The following PCDH9 variants were observed in gnomAD, a reference collection of about 807,000 sequenced individuals.
The protein encoded by PCDH9 is protocadherin 9.
In PCDH9, 24 loss-of-function variants were observed where a neutral mutation model predicts 70.6. The ratio of observed to expected loss-of-function variants is 0.34; its 90% CI spans 0.25 to 0.48. The LOEUF (loss-of-function observed/expected upper bound fraction) is 0.48, where lower values mean the gene tolerates loss of function less well. Ranked by LOEUF, PCDH9 falls within the 20% of genes least tolerant of loss-of-function variation. The pLI is 0.99. For missense variants in PCDH9, 1,281 were observed against 1,503.6 expected (o/e 0.85, Z 2.45); for synonymous variants, 562 against 558.5 (o/e 1.01, Z -0.09).
intron 4 of PCDH9, among the ~76,000 whole-genome samples, chr13:66,427,749 A>G (rs1467880206): frequency 1.3e-5 from 2 of 151,688 alleles, no homozygotes; most frequent in Admixed American, 1.3e-4. Flanking sequence ...CAAGTATTGC[A>G]TCAATTTGAG....
At chr13:66,792,114 G>A (rs2080173015) in intron 3 of PCDH9, among the ~76,000 whole-genome samples, 1 of 152,158 alleles carries the variant, frequency 6.6e-6, no homozygotes, top group South Asian at 2.1e-4. Context: ...ATATAAGTCA[G>A]TAATTATATG....
chr13:66,997,087 C>T (rs565540100), intron 2 of PCDH9, among the ~76,000 whole-genome samples: 6 of 152,076 alleles, frequency 3.9e-5, no homozygotes, highest in Non-Finnish European at 8.8e-5. Flanking sequence ...GAAAACTGGG[C>T]TATATCCAAA....
At chr13:66,702,040 T>G (rs897056949) in intron 3 of PCDH9, among the ~76,000 whole-genome samples, 3 of 152,092 alleles carry the variant, frequency 2.0e-5, no homozygotes, top group African/African-American at 7.2e-5. Context: ...CTGCCCAGAG[T>G]GTATTTTCAA....
chr13:66,965,861 T>C (rs2083426133), intron 2 of PCDH9, among the ~76,000 whole-genome samples: 2 of 151,966 alleles, frequency 1.3e-5, no homozygotes, highest in African/African-American at 4.8e-5. Context: ...TGTAAATTCT[T>C]ATCTAAAAAT....
intron 2 of PCDH9, among the ~76,000 whole-genome samples, chr13:67,170,090 G>A (rs893616460): frequency 7.9e-5 from 12 of 152,056 alleles, no homozygotes; most frequent in African/African-American, 2.9e-4. Flanking sequence ...TCCATTCTTT[G>A]AGAAGAAAAA....
chr13:66,739,365 C>T (rs965112087), intron 3 of PCDH9, among the ~76,000 whole-genome samples: 5 of 147,602 alleles, frequency 3.4e-5, no homozygotes, highest in African/African-American at 5.0e-5. Flanking sequence ...AAGGAACAAC[C>T]GGTACCAGCC....
chr13:66,982,410 C>A (rs773755580), intron 2 of PCDH9, among the ~76,000 whole-genome samples: 2 of 152,144 alleles, frequency 1.3e-5, no homozygotes, highest in Non-Finnish European at 2.9e-5. Flanking sequence ...TTCCAAGAAA[C>A]ACTAAAAAGT....
chr13:66,927,385 G>A (rs571541853), intron 2 of PCDH9, among the ~76,000 whole-genome samples: 6 of 151,936 alleles, frequency 3.9e-5, no homozygotes, highest in African/African-American at 1.2e-4. Flanking sequence ...GGGCCTCTTC[G>A]AGGGTGGAGG....
intron 2 of PCDH9, among the ~76,000 whole-genome samples, chr13:67,040,059 A>T (rs1205033448): frequency 6.6e-6 from 1 of 152,236 alleles, no homozygotes; most frequent in African/African-American, 2.4e-5. Context: ...ATACTAAAGC[A>T]CTTACACAAT....
chr13:67,124,355 G>T (rs576359549), intron 2 of PCDH9, among the ~76,000 whole-genome samples: 3 of 152,164 alleles, frequency 2.0e-5, no homozygotes, highest in South Asian at 4.1e-4. Context: ...TTTATTTGAA[G>T]AATTTAATAC....
At chr13:67,191,877 A>G (rs564239970) in intron 2 of PCDH9, among the ~76,000 whole-genome samples, 21 of 152,258 alleles carry the variant, frequency 1.4e-4, no homozygotes, top group Non-Finnish European at 2.4e-4. Context: ...GCTGGAACTG[A>G]ACCACTTGCT....
intron 4 of PCDH9, among the ~76,000 whole-genome samples, chr13:66,557,996 T>C: frequency 6.6e-6 from 1 of 151,972 alleles, no homozygotes; most frequent in East Asian, 1.9e-4. Context: ...TCTACAAAAA[T>C]ACTTAAAAAA....
At chr13:67,087,930 C>T (rs1183584825) in intron 2 of PCDH9, among the ~76,000 whole-genome samples, 1 of 151,940 alleles carries the variant, frequency 6.6e-6, no homozygotes, top group Non-Finnish European at 1.5e-5. Context: ...ACTCCCGCAC[C>T]AAATTGTAAC....
intron 2 of PCDH9, among the ~76,000 whole-genome samples, chr13:66,963,144 C>T (rs575362032): frequency 1.7e-4 from 26 of 152,108 alleles, no homozygotes; most frequent in Non-Finnish European, 2.9e-4. Flanking sequence ...AGAGCTCAGG[C>T]GGTAATGTGA....
At chr13:67,064,935 GA>G (rs2085616597) in intron 2 of PCDH9, among the ~76,000 whole-genome samples, 3 of 151,032 alleles carry the variant, frequency 2.0e-5, no homozygotes, top group Non-Finnish European at 4.4e-5. Flanking sequence ...TAGATAGATA[GA>G]TAGCAGAGAG....
chr13:67,073,978 T>G (rs752124238), intron 2 of PCDH9, among the ~76,000 whole-genome samples: 2 of 152,114 alleles, frequency 1.3e-5, no homozygotes, highest in Non-Finnish European at 2.9e-5. Context: ...CACTATAGAC[T>G]TTCTGAAAGA....
chr13:67,045,438 C>T (rs1291189929), intron 2 of PCDH9, among the ~76,000 whole-genome samples: 3 of 152,118 alleles, frequency 2.0e-5, no homozygotes, highest in East Asian at 1.9e-4. Context: ...GCCAATTATA[C>T]CTGGTCCTTG....
At chr13:66,444,105 G>A (rs1020240455) in intron 4 of PCDH9, among the ~76,000 whole-genome samples, 5 of 152,050 alleles carry the variant, frequency 3.3e-5, no homozygotes, top group African/African-American at 7.2e-5. Flanking sequence ...AGAGCCAGTT[G>A]TGCCCCACGG....
At chr13:67,030,983 C>T (rs900907901) in intron 2 of PCDH9, among the ~76,000 whole-genome samples, 6 of 152,046 alleles carry the variant, frequency 3.9e-5, no homozygotes, top group Non-Finnish European at 5.9e-5. Context: ...TAACTATATG[C>T]TATAGTTTCA....
Sources: allele counts gnomAD v4.1 joint callset (sites outside exome capture counted in the v4.1 genomes callset), GRCh38; gene constraint gnomAD v4.1.1; transcripts MANE v1.5; gene names NCBI Gene and HGNC (gene_info 2026-07-23, HGNC 2026-07-21).